The following BRCA1 variants were observed in gnomAD, a reference collection of about 807,000 sequenced individuals.
BRCA1 encodes breast cancer type 1 susceptibility protein.
In BRCA1, 140 loss-of-function variants were observed where a neutral mutation model predicts 173.7. The ratio of observed to expected loss-of-function variants is 0.81; its 90% CI spans 0.70 to 0.93. BRCA1 has a LOEUF of 0.93. Among genes scored for constraint, BRCA1 ranks in the 40% least tolerant of loss-of-function variants. BRCA1 has a pLI of 0.00. For missense variants in BRCA1, 1,983 were observed against 2,172.5 expected, an observed-to-expected ratio of 0.91 and a Z score of 1.73; for synonymous variants, 662 against 756.0, an observed-to-expected ratio of 0.88 and a Z score of 2.04.
chr17:43,091,882 A>G lies in BRCA1; in HGVS notation c.3649T>C (p.Ser1217Pro), dbSNP rs273900712. The change falls in exon 10 of 23, where the codon TCT becomes CCT. Residue 1217 changes from serine to proline, a missense_variant. Coordinates refer to ENST00000357654, the MANE Select transcript of BRCA1 (RefSeq NM_007294.4). ...CAGGGAAGCTCTTCATCCTCACTAG[A>G]TAAGTTCTCTTCTGAGGACTCTAAT... ...KKLESSEENL[S>P]SEDEELPCFQ... 69 of 1,614,044 alleles carry G rather than the reference A, an allele frequency of 4.3e-5. No individual in the cohort carries two copies. Among genetic ancestry groups the G allele is most frequent in the South Asian group, 2.3e-4 (21 of 91,084 alleles).
intron 3 of BRCA1, among the ~76,000 whole-genome samples, chr17:43,111,978 C>T (rs1298636481): frequency 5.3e-5 from 8 of 152,130 alleles, no homozygotes; most frequent in African/African-American, 1.9e-4. Flanking sequence ...ATGGGGGTAT[C>T]GCTCCCAGGC....
In BRCA1 at chr17:43,097,288, T is replaced by G. The variant is rs1555594077; in HGVS notation, c.549A>C (p.Gly183=). Residue 183 remains glycine, a splice_region_variant and synonymous_variant, in exon 8 of 23, where the codon GGA becomes GGC. Coordinates refer to ENST00000357654, the MANE Select transcript of BRCA1 (RefSeq NM_007294.4). ...PQKTSVYIEL[G]SDSSEDTVNK... The stretch of plus-strand genomic sequence containing the variant: ...TAACGGTATCTTCAGAAGAATCAGA[T>G]CCTAAAAAATTTCCCCCCAAAAAAT... The G allele has an allele frequency of 1.2e-6, 2 of 1,613,110 alleles. No homozygotes were observed. Among genetic ancestry groups the G allele is most frequent in the Non-Finnish European group, 1.7e-6 (2 of 1,179,430 alleles).
chr17:43,070,445 A>G lies in BRCA1; in HGVS notation c.4986+483T>C, dbSNP rs8176220. On this transcript the variant is annotated intron_variant, in intron 15 of 22. Transcript: ENST00000357654. The stretch of plus-strand genomic sequence containing the variant: ...TGCCAAAATCCTAATAGCAAGGGAT[A>G]TTGCAGGGCAGAAGTGGCAGGGCAT... Among the ~76,000 whole-genome samples, 48,330 of 152,028 alleles carry G rather than the reference A, an allele frequency of 0.32. 8,003 individuals are homozygous for G. Among genetic ancestry groups the G allele is most frequent in the South Asian group, 0.49 (2,372 of 4,820 alleles).
At chr17:43,047,600 G>A in intron 22 of BRCA1, 43 bp downstream of exon 22, 1 of 1,607,692 alleles carries the variant, frequency 6.2e-7, no homozygotes, top group East Asian at 2.2e-5. Flanking sequence ...CCAAACCCAT[G>A]CAAAAGGACC....
At chr17:43,055,450 C>G (rs973840466) in intron 19 of BRCA1, among the ~76,000 whole-genome samples, 1 of 151,828 alleles carries the variant, frequency 6.6e-6, no homozygotes, top group African/African-American at 2.4e-5. Context: ...GAGATCAAGG[C>G]CAGCCTGGCC....
intron 2 of BRCA1, among the ~76,000 whole-genome samples, chr17:43,116,070 C>T (rs1221867208): frequency 1.3e-5 from 2 of 152,148 alleles, no homozygotes; most frequent in Non-Finnish European, 1.5e-5. Flanking sequence ...GATAATAGTT[C>T]GTACGAATTC....
At chr17:43,127,864 AAG>A (rs1022395350), upstream of BRCA1, among the ~76,000 whole-genome samples, 1 of 144,938 alleles carries the variant, frequency 6.9e-6, no homozygotes, top group African/African-American at 2.9e-5. Flanking sequence ...CTCTACTAAA[AAG>A]ACAAAATATT....
rs1297237971 is a variant in BRCA1 at position 43,063,275 on chromosome 17, T to C, written c.5193+58A>G. On this transcript the variant is annotated intron_variant, in intron 18 of 22. Coordinates refer to ENST00000357654, the MANE Select transcript of BRCA1 (RefSeq NM_007294.4). ...GCATTGATGGAAGGAAGCAAATACATTTTTAACTATATGACTGAATGAATA... is the reference window on the plus strand; with the variant it reads ...GCATTGATGGAAGGAAGCAAATACACTTTTAACTATATGACTGAATGAATA... The C allele has an allele frequency of 8.4e-6, 12 of 1,425,218 alleles. No individual in the cohort carries two copies. The highest frequency in any genetic ancestry group is 1.2e-5 in the South Asian group (1 of 86,650). The allele number at this position is 1,425,218 out of a possible 1,614,324, so 88.3% of individuals were successfully genotyped here.
At chr17:43,102,632 G>C (rs2154545473) in intron 6 of BRCA1, among the ~76,000 whole-genome samples, 1 of 151,996 alleles carries the variant, frequency 6.6e-6, no homozygotes, top group African/African-American at 2.4e-5. Context: ...TGGGATTGCA[G>C]GTGTTAGCCG....
At chr17:43,107,721 G>A (rs2054858936) in intron 3 of BRCA1, among the ~76,000 whole-genome samples, 1 of 152,090 alleles carries the variant, frequency 6.6e-6, no homozygotes, top group East Asian at 1.9e-4. Flanking sequence ...AAACAGTGTT[G>A]AGACAAAAGT....
At chr17:43,109,539 A>T (rs1373328091) in intron 3 of BRCA1, among the ~76,000 whole-genome samples, 1 of 152,174 alleles carries the variant, frequency 6.6e-6, no homozygotes, top group East Asian at 1.9e-4. Context: ...TTCAAGTACC[A>T]TATTGCACTC....
intron 14 of BRCA1, among the ~76,000 whole-genome samples, chr17:43,072,714 G>A (rs1451794903): frequency 6.6e-6 from 1 of 151,696 alleles, no homozygotes; most frequent in East Asian, 2.0e-4. Context: ...ACAGGCATAA[G>A]CCACCAAGCC....
chr17:43,131,167 G>T, intron 1 of BRCA1: 1 of 229,848 alleles, frequency 4.4e-6, no homozygotes, highest in Non-Finnish European at 1.0e-5. Flanking sequence ...TGACTTCTAT[G>T]TACATTATAA....
chr17:43,059,651 T>G (rs1018819817), intron 18 of BRCA1, among the ~76,000 whole-genome samples: 11 of 152,166 alleles, frequency 7.2e-5, no homozygotes, highest in African/African-American at 2.7e-4. Context: ...AAAACCCAAG[T>G]GTCACTCCTT....
At chr17:43,142,015 A>G (rs916946650) in intron 1 of BRCA1, among the ~76,000 whole-genome samples, 17 of 151,770 alleles carry the variant, frequency 1.1e-4, no homozygotes, top group South Asian at 2.1e-4. Flanking sequence ...GGGTTCAAGC[A>G]ATTCTCCCTG....
At chr17:43,077,464 G>T (rs2052788836) in intron 12 of BRCA1, among the ~76,000 whole-genome samples, 1 of 151,866 alleles carries the variant, frequency 6.6e-6, no homozygotes, top group Admixed American at 6.6e-5. Flanking sequence ...CCTAGTAGCT[G>T]ACATTACAGG....
intron 13 of BRCA1, among the ~76,000 whole-genome samples, chr17:43,075,066 CGGAAGGAA>C (rs8176207): frequency 4.8e-5 from 7 of 147,140 alleles, no homozygotes; most frequent in African/African-American, 1.3e-4. Context: ...AAGGAAAGGA[CGGAAGGAA>C]GGAAGGAAGG....
At chr17:43,099,461 G>T (rs1194458381) in intron 7 of BRCA1, among the ~76,000 whole-genome samples, 1 of 151,396 alleles carries the variant, frequency 6.6e-6, no homozygotes, top group Non-Finnish European at 1.5e-5. Flanking sequence ...GGTACAGACA[G>T]AGTTTCTCCA....
At chr17:43,061,278 A>G (rs546220308) in intron 18 of BRCA1, among the ~76,000 whole-genome samples, 1 of 152,306 alleles carries the variant, frequency 6.6e-6, no homozygotes, top group African/African-American at 2.4e-5. Context: ...TTTTTCAGAA[A>G]GGCTTTCCCT....
Sources: allele counts gnomAD v4.1 joint callset (sites outside exome capture counted in the v4.1 genomes callset), GRCh38; gene constraint gnomAD v4.1.1; transcripts MANE v1.5; gene names NCBI Gene and HGNC (gene_info 2026-07-23, HGNC 2026-07-21).